Variants in SMURF2 observed in about 807,000 individuals in gnomAD.
SMURF2 encodes the protein SMAD specific E3 ubiquitin protein ligase 2, also known as E3 ubiquitin-protein ligase SMURF2.
A neutral mutation model predicts 109.6 loss-of-function variants in SMURF2; 48 were observed. The ratio of observed to expected loss-of-function variants is 0.44; its 90% CI spans 0.35 to 0.56. The LOEUF (loss-of-function observed/expected upper bound fraction) is 0.56, where lower values mean the gene tolerates loss of function less well. Ranked by LOEUF, SMURF2 falls within the 20% of genes least tolerant of loss-of-function variation. The pLI, the probability that SMURF2 is intolerant of heterozygous loss-of-function variation, is 0.01. For missense variants in SMURF2, 575 were observed against 909.0 expected (o/e 0.63, Z 4.72); for synonymous variants, 288 against 317.1 (o/e 0.91, Z 0.97).
At chr17:64,601,162 G>A (rs1280386517) in intron 2 of SMURF2, among the ~76,000 whole-genome samples, 3 of 151,970 alleles carry the variant, frequency 2.0e-5, no homozygotes, top group Admixed American at 6.6e-5. Flanking sequence ...AGGCTAAAAT[G>A]GGAGGATTGC....
rs1002747365 is a variant in SMURF2, at chr17:64,581,732, G to A, written c.570-741C>T. ...GACCGAAGCGAGCGGATCACTTGAG[G>A]TCAGGAGTTTGAGACCAGCCTGGCC... On this transcript the variant is annotated intron_variant, in intron 7 of 18. Transcript: ENST00000262435. This position sits in a 1 kb window ranked among gnomAD's most constrained non-coding sequence, Gnocchi z 4.3. 6.6e-6 allele frequency among the ~76,000 whole-genome samples: 1 copy of A among 152,068 alleles called. No homozygotes were observed. The highest frequency in any genetic ancestry group is 2.4e-5 in the African/African-American group (1 of 41,408).
intron 6 of SMURF2, among the ~76,000 whole-genome samples, chr17:64,584,938 C>A (rs750491716): frequency 6.6e-6 from 1 of 152,042 alleles, no homozygotes; most frequent in Non-Finnish European, 1.5e-5. Context: ...TTCAAAAATA[C>A]CATAATCTAC....
Position 64,606,585 on chromosome 17 carries a change from A to G in SMURF2, c.91+17T>C. 1 of 1,515,846 alleles carries G rather than the reference A, an allele frequency of 6.6e-7. No homozygotes were observed. The highest frequency in any genetic ancestry group is 1.2e-5 in the South Asian group (1 of 80,266). 93.9% of individuals were successfully genotyped at this position (1,515,846 alleles called of 1,614,324 possible). ...GATCTACATACAATACACAAGATTT[A>G]AAGTTAATTTACTTACGGAAAAAAT... On this transcript the variant is annotated intron_variant, in intron 2 of 18. Transcript: ENST00000262435.
chr17:64,576,495 C>T (rs1969492913), intron 9 of SMURF2, among the ~76,000 whole-genome samples: 1 of 151,736 alleles, frequency 6.6e-6, no homozygotes, highest in African/African-American at 2.4e-5. Flanking sequence ...AAAATCCCGT[C>T]TCTACTAAAA....
chr17:64,657,708 G>A (rs1242499951), intron 1 of SMURF2, among the ~76,000 whole-genome samples: 3 of 149,778 alleles, frequency 2.0e-5, no homozygotes, highest in African/African-American at 7.4e-5. Context: ...AACAGAATGA[G>A]ATTCTGCCTC....
chr17:64,631,066 C>A (rs1414984874), intron 1 of SMURF2, among the ~76,000 whole-genome samples: 1 of 151,492 alleles, frequency 6.6e-6, no homozygotes. Flanking sequence ...CTCTGGGAGG[C>A]CAACGCAGGA....
intron 9 of SMURF2, among the ~76,000 whole-genome samples, chr17:64,572,244 T>C (rs772115734): frequency 4.8e-4 from 73 of 152,220 alleles, no homozygotes; most frequent in Non-Finnish European, 7.1e-4. Context: ...ATCCCAATAT[T>C]TGCCAACATA....
chr17:64,627,798 G>C (rs1970287324), intron 1 of SMURF2, among the ~76,000 whole-genome samples: 1 of 152,096 alleles, frequency 6.6e-6, no homozygotes, highest in Non-Finnish European at 1.5e-5. Flanking sequence ...AACAAACCCA[G>C]ATATCACCAC....
intron 6 of SMURF2, among the ~76,000 whole-genome samples, chr17:64,585,563 G>A (rs1354491405): frequency 6.6e-6 from 1 of 152,152 alleles, no homozygotes; most frequent in Non-Finnish European, 1.5e-5. Context: ...GTAAGGATTA[G>A]AACTCAGGTG....
At chr17:64,646,377 CTTTCT>C (rs1970559564) in intron 1 of SMURF2, among the ~76,000 whole-genome samples, 4 of 130,864 alleles carry the variant, frequency 3.1e-5, no homozygotes, top group African/African-American at 8.8e-5. Context: ...TTTTTTTTTT[CTTTCT>C]TTTTTTTTTT....
chr17:64,658,426 T>G (rs924791432), intron 1 of SMURF2, among the ~76,000 whole-genome samples: 1 of 152,216 alleles, frequency 6.6e-6, no homozygotes, highest in Non-Finnish European at 1.5e-5. Context: ...GCTACAATTT[T>G]TAAAGCCTTG....
intron 1 of SMURF2, among the ~76,000 whole-genome samples, chr17:64,639,403 CCT>C (rs1469019567): frequency 6.6e-6 from 1 of 151,866 alleles, no homozygotes; most frequent in East Asian, 1.9e-4. Context: ...ATGGGAAAAC[CCT>C]GTCTCTACTA....
chr17:64,572,021 A>G, intron 9 of SMURF2, 65 bp from the exon 10 acceptor site: 1 of 1,379,062 alleles, frequency 7.3e-7, no homozygotes, highest in Non-Finnish European at 9.9e-7. Flanking sequence ...AGCAAGTGTA[A>G]ATGACACAGA....
At chr17:64,582,077 T>C (rs1380716485) in intron 7 of SMURF2, among the ~76,000 whole-genome samples, 2 of 152,170 alleles carry the variant, frequency 1.3e-5, no homozygotes, top group Admixed American at 6.5e-5. Context: ...AAGTGAAACC[T>C]TGAACACTGA....
chr17:64,650,347 G>GTTTTTTGT lies in SMURF2; in HGVS notation c.52+11481_52+11482insACAAAAAA, dbSNP rs538168490. Among the ~76,000 whole-genome samples the GTTTTTTGT allele has an allele frequency of 6.1e-3, 836 of 137,644 alleles. 6 individuals carry two copies. The highest frequency in any genetic ancestry group is 0.021 in the African/African-American group (808 of 37,764). The allele number at this position is 137,644 out of a possible 152,430, so 90.3% of individuals were successfully genotyped here. On this transcript the variant is annotated intron_variant, in intron 1 of 18. Transcript: ENST00000262435. ...CCATCACACGGGTTTTTTGTTTTTT[G>GTTTTTTGT]TTTTTTTTTTTGGTATTTTCACACC... is the stretch of plus-strand genomic sequence containing the variant.
At chr17:64,655,577 A>G (rs1970695694) in intron 1 of SMURF2, among the ~76,000 whole-genome samples, 1 of 151,976 alleles carries the variant, frequency 6.6e-6, no homozygotes, top group African/African-American at 2.4e-5. Flanking sequence ...ACTTCTTATT[A>G]AACTTAACAA....
At chr17:64,627,605 G>T (rs1200919746) in intron 1 of SMURF2, among the ~76,000 whole-genome samples, 1 of 152,086 alleles carries the variant, frequency 6.6e-6, no homozygotes, top group Non-Finnish European at 1.5e-5. Flanking sequence ...ATATCCAAAT[G>T]ACTACTAAAC....
At chr17:64,619,514 A>G (rs1186626236) in intron 1 of SMURF2, among the ~76,000 whole-genome samples, 1 of 151,372 alleles carries the variant, frequency 6.6e-6, no homozygotes, top group Non-Finnish European at 1.5e-5. Context: ...GAAGAAGAAT[A>G]TAATTTGGCA....
chr17:64,653,542 T>C (rs1303992829), intron 1 of SMURF2, among the ~76,000 whole-genome samples: 1 of 152,022 alleles, frequency 6.6e-6, no homozygotes, highest in Non-Finnish European at 1.5e-5. Flanking sequence ...CAGCCTTAAC[T>C]TCCCAGGCCC....
Sources: allele counts gnomAD v4.1 joint callset (sites outside exome capture counted in the v4.1 genomes callset), GRCh38; gene constraint gnomAD v4.1.1; non-coding constraint Gnocchi (gnomAD v3.1); transcripts MANE v1.5; gene names NCBI Gene and HGNC (gene_info 2026-07-23, HGNC 2026-07-21).